Variants in ACSS3 observed in about 807,000 individuals in gnomAD.
The protein encoded by ACSS3 is acyl-CoA synthetase short chain family member 3.
A neutral mutation model predicts 84.2 loss-of-function variants in ACSS3; 64 were observed. The observed-to-expected ratio is 0.76, with a 90% CI of 0.62 to 0.94. ACSS3 has a LOEUF of 0.94. Among genes scored for constraint, ACSS3 ranks in the 40% least tolerant of loss-of-function variants. The pLI is 0.00. For synonymous variants in ACSS3, 317 were observed against 310.1 expected (o/e 1.02, Z -0.23); for missense variants, 815 against 867.6 (o/e 0.94, Z 0.76).
chr12:81,135,660 A>G (rs567158213), intron 3 of ACSS3, among the ~76,000 whole-genome samples: 1 of 152,022 alleles, frequency 6.6e-6, no homozygotes, highest in Non-Finnish European at 1.5e-5. Flanking sequence ...ATAGAGTGGT[A>G]TAATGGACAC....
intron 13 of ACSS3, among the ~76,000 whole-genome samples, chr12:81,246,238 T>A (rs1346967116): frequency 6.6e-6 from 1 of 152,156 alleles, no homozygotes; most frequent in Non-Finnish European, 1.5e-5. Context: ...ATTGCTGACA[T>A]TTACTTGGTG....
At chr12:81,129,909 A>C (rs1885378688) in intron 2 of ACSS3, among the ~76,000 whole-genome samples, 1 of 151,946 alleles carries the variant, frequency 6.6e-6, no homozygotes, top group Admixed American at 6.6e-5. Context: ...GTTTGCTTAG[A>C]ATGATGGTTT....
At chr12:81,144,728 T>C (rs1174440472) in intron 5 of ACSS3, among the ~76,000 whole-genome samples, 1 of 152,268 alleles carries the variant, frequency 6.6e-6, no homozygotes, top group East Asian at 1.9e-4. Flanking sequence ...TGAAATTCAC[T>C]GTGACCTGGA....
At chr12:81,138,709 T>A (rs1885933270) in intron 3 of ACSS3, among the ~76,000 whole-genome samples, 1 of 152,156 alleles carries the variant, frequency 6.6e-6, no homozygotes, top group African/African-American at 2.4e-5. Flanking sequence ...TCTGCTGTAA[T>A]CTCTTTAGGC....
At chr12:81,137,357 A>ACG (rs1885862845) in intron 3 of ACSS3, among the ~76,000 whole-genome samples, 1 of 135,648 alleles carries the variant, frequency 7.4e-6, no homozygotes, top group Non-Finnish European at 1.6e-5. Flanking sequence ...ACACACACAC[A>ACG]CACACACCCC....
chr12:81,127,334 A>G (rs969132448), intron 2 of ACSS3, among the ~76,000 whole-genome samples: 1 of 152,076 alleles, frequency 6.6e-6, no homozygotes, highest in Non-Finnish European at 1.5e-5. Flanking sequence ...GATCTTAAGC[A>G]GTTTTAGAAT....
In ACSS3 at chr12:81,216,962, A is replaced by G. The variant is rs758149211; in HGVS notation, c.1416A>G (p.Pro472=). The change falls in exon 10 of 16, where the codon CCA becomes CCG. Residue 472 remains proline (P), a synonymous_variant. Transcript: ENST00000548058. ...VGLGNSKTPP[P]GQAGKSVPGY... ...TAGGCAATTCTAAAACACCTCCACC[A>G]GGGCAAGCAGGAAAAAGCGTCCCAG... 6.2e-7 allele frequency: 1 copy of G among 1,611,368 alleles called. No homozygotes were observed. The highest frequency in any genetic ancestry group is 1.1e-5 in the South Asian group (1 of 91,046).
chr12:81,212,299 C>T (rs1460293417), intron 9 of ACSS3, among the ~76,000 whole-genome samples: 4 of 152,144 alleles, frequency 2.6e-5, no homozygotes, highest in Admixed American at 2.0e-4. Flanking sequence ...AACAACAGCA[C>T]CTAGCACATA....
At chr12:81,150,884 A>T (rs1221571806) in intron 5 of ACSS3, among the ~76,000 whole-genome samples, 2 of 151,772 alleles carry the variant, frequency 1.3e-5, no homozygotes, top group African/African-American at 2.4e-5. Flanking sequence ...ATAAAAAACA[A>T]TTTTTTTTGC....
chr12:81,078,287 C>T lies in ACSS3; in HGVS notation c.167C>T (p.Ser56Phe). 1 of 1,611,880 alleles carries T rather than the reference C, an allele frequency of 6.2e-7. No homozygotes were observed. Among genetic ancestry groups the T allele is most frequent in the Non-Finnish European group, 8.5e-7 (1 of 1,179,924 alleles). The change falls in exon 1 of 16, where the codon TCC becomes TTC. Residue 56 changes from serine (S) to phenylalanine (F), a missense_variant. Coordinates refer to ENST00000548058, the MANE Select transcript of ACSS3 (RefSeq NM_024560.4). ...LGGRGCRALS[S>F]GSGSEYKTHF... is the part of the protein sequence containing the mutation. ...GGCCGGGGATGCAGGGCACTGTCCT[C>T]CGGCAGTGGCAGCGAGTACAAGACC...
chr12:81,193,565 T>A (rs917746073), intron 8 of ACSS3, among the ~76,000 whole-genome samples: 1 of 151,946 alleles, frequency 6.6e-6, no homozygotes, highest in African/African-American at 2.4e-5. Flanking sequence ...CTCTCCTTTT[T>A]TTCTATTCTG....
In ACSS3 at chr12:81,134,850, G is replaced by A. The variant is rs773886334; in HGVS notation, c.491G>A (p.Gly164Asp). Residue 164 changes from glycine (G) to aspartate (D), a missense_variant, in exon 3 of 16, where the codon GGC becomes GAC. Coordinates refer to ENST00000548058, the MANE Select transcript of ACSS3 (RefSeq NM_024560.4). ...CTGGCTGGTGTCTTGGTCAAGCATG[G>A]CATCAAGAAAGGTGACACTGTGGTT... ...SKLAGVLVKH[G>D]IKKGDTVVIY... The A allele has an allele frequency of 1.1e-5, 18 of 1,581,766 alleles. No individual in the cohort carries two copies. The highest frequency in any genetic ancestry group is 1.5e-5 in the Non-Finnish European group (17 of 1,161,218).
chr12:81,202,933 A>G (rs183793981), intron 9 of ACSS3, among the ~76,000 whole-genome samples: 33 of 152,292 alleles, frequency 2.2e-4, no homozygotes, highest in Non-Finnish European at 4.4e-4. Flanking sequence ...ATACAGATAT[A>G]TGAGAGGATA....
intron 9 of ACSS3, among the ~76,000 whole-genome samples, chr12:81,201,802 T>C (rs1445094793): frequency 6.6e-6 from 1 of 152,154 alleles, no homozygotes; most frequent in Non-Finnish European, 1.5e-5. Flanking sequence ...ACAAATATAT[T>C]TGAATGGGTA....
At chr12:81,150,116 T>C (rs1293284645) in intron 5 of ACSS3, among the ~76,000 whole-genome samples, 2 of 152,186 alleles carry the variant, frequency 1.3e-5, no homozygotes, top group African/African-American at 4.8e-5. Context: ...TTATTTCTGG[T>C]CATCATTTCT....
At chr12:81,112,422 A>G (rs775178597) in intron 2 of ACSS3, among the ~76,000 whole-genome samples, 6 of 152,346 alleles carry the variant, frequency 3.9e-5, no homozygotes, top group East Asian at 1.9e-4. Flanking sequence ...AATTAATTAC[A>G]TAAGTGTATA....
chr12:81,167,285 T>C (rs945160678), intron 7 of ACSS3, among the ~76,000 whole-genome samples: 5 of 152,066 alleles, frequency 3.3e-5, no homozygotes, highest in East Asian at 1.9e-4. Context: ...AGACCCCAAA[T>C]TGTCAACTCT....
intron 1 of ACSS3, among the ~76,000 whole-genome samples, chr12:81,086,936 C>T (rs572853555): frequency 3.3e-5 from 5 of 152,060 alleles, no homozygotes; most frequent in African/African-American, 9.6e-5. Flanking sequence ...ATCTAAACTA[C>T]GTGGATAGGG....
chr12:81,084,741 C>T (rs1175405509), intron 1 of ACSS3, among the ~76,000 whole-genome samples: 1 of 152,124 alleles, frequency 6.6e-6, no homozygotes, highest in Non-Finnish European at 1.5e-5. Context: ...ATTCTAGTGT[C>T]ATGCATTGTA....
Sources: gnomAD v4.1 joint callset for allele counts (sites outside exome capture counted in the v4.1 genomes callset) on GRCh38, gnomAD v4.1.1 for gene constraint, MANE v1.5 for transcripts, NCBI Gene and HGNC (gene_info 2026-07-23, HGNC 2026-07-21) for gene names.